MGAT4C: variants seen among roughly 807,000 people sequenced by gnomAD.
MGAT4C encodes MGAT4 family member C, also known as alpha-1,3-mannosyl-glycoprotein 4-beta-N-acetylglucosaminyltransferase C.
Under a neutral mutation model 40.1 loss-of-function variants are expected in MGAT4C, and 19 were observed. The ratio of observed to expected loss-of-function variants is 0.47; its 90% CI spans 0.33 to 0.70. The LOEUF is 0.70. Among genes scored for constraint, MGAT4C ranks in the 30% least tolerant of loss-of-function variants. The pLI is 0.02. For synonymous variants in MGAT4C, 181 were observed against 187.1 expected (o/e 0.97, Z 0.27); for missense variants, 491 against 563.2 (o/e 0.87, Z 1.30).
In MGAT4C at chr12:86,678,243, G is replaced by A. The variant is rs183237524; in HGVS notation, c.-229+48966C>T. Among the ~76,000 whole-genome samples, 207 of 152,004 alleles carry A rather than the reference G, an allele frequency of 1.4e-3. 1 individual carries two copies. The highest frequency in any genetic ancestry group is 3.7e-3 in the African/African-American group (154 of 41,460). ...TAGTTTAGCCGTTTCAGTCAATGGC[G>A]CCACCATCCTACATGAGCCTAAGAC... On this transcript the variant is annotated intron_variant, in intron 2 of 7. Transcript: ENST00000548651.
chr12:86,571,796 T>G (rs1200784364), intron 2 of MGAT4C, among the ~76,000 whole-genome samples: 1 of 152,138 alleles, frequency 6.6e-6, no homozygotes, highest in Non-Finnish European at 1.5e-5. Context: ...ATGCTAAATG[T>G]TCTTCTATGA....
intron 1 of MGAT4C, among the ~76,000 whole-genome samples, chr12:86,231,687 ATAGAG>A (rs1277050681): frequency 2.6e-5 from 4 of 152,202 alleles, no homozygotes; most frequent in African/African-American, 9.6e-5. Context: ...CCCAGTTAAT[ATAGAG>A]TATAGAATTC....
intron 4 of MGAT4C, among the ~76,000 whole-genome samples, chr12:86,294,894 T>C (rs1437204267): frequency 6.6e-6 from 1 of 152,180 alleles, no homozygotes; most frequent in Non-Finnish European, 1.5e-5. Context: ...GAAAGCTTTT[T>C]ATCAAGGGCG....
intron 2 of MGAT4C, among the ~76,000 whole-genome samples, chr12:86,683,979 T>C (rs1479981604): frequency 6.6e-6 from 1 of 152,188 alleles, no homozygotes; most frequent in Non-Finnish European, 1.5e-5. Flanking sequence ...TTCTTTCTCA[T>C]ATCATCTGCT....
At chr12:86,470,458 T>C (rs985196931) in intron 2 of MGAT4C, among the ~76,000 whole-genome samples, 5 of 152,104 alleles carry the variant, frequency 3.3e-5, no homozygotes, top group Non-Finnish European at 7.4e-5. Flanking sequence ...CTCCACTCCC[T>C]TCCCCCAACA....
intron 4 of MGAT4C, among the ~76,000 whole-genome samples, chr12:86,320,325 G>A (rs553219028): frequency 2.0e-5 from 3 of 152,058 alleles, no homozygotes; most frequent in Non-Finnish European, 4.4e-5. Context: ...CAGTAGGGAA[G>A]GTGTTAACTT....
rs545829206 is a variant in MGAT4C at position 86,322,456 on chromosome 12, T to C, written c.-57+11609A>G. Among the ~76,000 whole-genome samples the C allele has an allele frequency of 1.2e-4, 18 of 152,308 alleles. No individual in the cohort carries two copies. The East Asian group carries it at 3.3e-3, about 28-fold the overall frequency. On this transcript the variant is annotated intron_variant, in intron 4 of 7. Transcript: ENST00000548651. ...CTAACTTTGGTTGCTATTACATTTT[T>C]AGACATATAATCTTAACAGATTATA...
At chr12:86,823,614 AG>A (rs1194994087) in intron 1 of MGAT4C, among the ~76,000 whole-genome samples, 1 of 151,250 alleles carries the variant, frequency 6.6e-6, no homozygotes, top group African/African-American at 2.4e-5. Flanking sequence ...TATCAAAAAA[AG>A]ATATCCAGGA....
intron 2 of MGAT4C, among the ~76,000 whole-genome samples, chr12:86,562,870 G>C (rs1219147231): frequency 6.6e-6 from 1 of 152,162 alleles, no homozygotes; most frequent in African/African-American, 2.4e-5. Flanking sequence ...CAGGGATTCT[G>C]CATTTAATGT....
chr12:86,374,582 A>C (rs1425083503), intron 3 of MGAT4C, among the ~76,000 whole-genome samples: 1 of 152,134 alleles, frequency 6.6e-6, no homozygotes, highest in Non-Finnish European at 1.5e-5. Flanking sequence ...GCATCTTACA[A>C]GATGTTTACA....
intron 4 of MGAT4C, among the ~76,000 whole-genome samples, chr12:86,276,483 C>T (rs1953084211): frequency 6.6e-6 from 1 of 151,936 alleles, no homozygotes; most frequent in Non-Finnish European, 1.5e-5. Context: ...CTATGGTCTC[C>T]CTGTTGTGGT....
chr12:86,599,631 G>A (rs917868547), intron 2 of MGAT4C: 1 of 152,060 alleles, frequency 6.6e-6, no homozygotes, highest in Non-Finnish European at 1.5e-5. Context: ...TCACAGCAGG[G>A]TGGTGGGGTG....
At chr12:86,509,625 G>A (rs1289261810) in intron 2 of MGAT4C, among the ~76,000 whole-genome samples, 4 of 152,162 alleles carry the variant, frequency 2.6e-5, no homozygotes, top group East Asian at 1.9e-4. Context: ...GATGGGGATG[G>A]CATTGAATCT....
intron 4 of MGAT4C, among the ~76,000 whole-genome samples, chr12:86,281,023 A>G (rs556345912): frequency 3.3e-5 from 5 of 151,930 alleles, no homozygotes; most frequent in Admixed American, 6.6e-5. Flanking sequence ...TCATCTTGCT[A>G]TTTATATTTT....
At chr12:86,774,281 C>CTCTTTTTCTTTCTTTCTT (rs1951692770) in intron 1 of MGAT4C, among the ~76,000 whole-genome samples, 1 of 58,934 alleles carries the variant, frequency 1.7e-5, no homozygotes, top group African/African-American at 6.4e-5. Flanking sequence ...CTAAGGCTTG[C>CTCTTTTTCTTTCTTTCTT]TCTTTCTTTC....
intron 1 of MGAT4C, among the ~76,000 whole-genome samples, chr12:86,144,809 A>G (rs1320023913): frequency 6.6e-6 from 1 of 152,164 alleles, no homozygotes; most frequent in Non-Finnish European, 1.5e-5. Context: ...AATACTCATA[A>G]GTTATACTAT....
intron 1 of MGAT4C, among the ~76,000 whole-genome samples, chr12:86,103,016 T>C (rs1002239291): frequency 1.3e-5 from 2 of 152,152 alleles, no homozygotes; most frequent in Non-Finnish European, 2.9e-5. Context: ...TAATATTACG[T>C]ATTTTTATTT....
At chr12:86,730,214 C>A (rs1245664290) in intron 1 of MGAT4C, among the ~76,000 whole-genome samples, 1 of 151,866 alleles carries the variant, frequency 6.6e-6, no homozygotes, top group African/African-American at 2.4e-5. Flanking sequence ...AGATTGAATT[C>A]CATATAATAT....
chr12:86,736,312 C>A lies in MGAT4C; in HGVS notation c.-261-9071G>T, dbSNP rs972782120. Among the ~76,000 whole-genome samples the A allele has an allele frequency of 4.0e-5, 6 of 151,722 alleles. No homozygotes were observed. The South Asian group carries it at 1.2e-3, about 31-fold the overall frequency. Reference sequence around the variant, plus strand: ...TAATTTTCTATTTTTTCAGCTCAATCCCTCTTAGAACCCAGCTCCAAGAAT... The same window carrying A: ...TAATTTTCTATTTTTTCAGCTCAATACCTCTTAGAACCCAGCTCCAAGAAT... On this transcript the variant is annotated intron_variant, in intron 1 of 7. Coordinates refer to the MGAT4C transcript ENST00000548651.
Sources: allele counts gnomAD v4.1 joint callset (sites outside exome capture counted in the v4.1 genomes callset), GRCh38; gene constraint gnomAD v4.1.1; transcripts MANE v1.5; gene names NCBI Gene and HGNC (gene_info 2026-07-23, HGNC 2026-07-21).